LRRC37A3: variants seen among roughly 807,000 people sequenced by gnomAD.
LRRC37A3 encodes the protein leucine rich repeat containing 37 member A3.
In LRRC37A3, 25 loss-of-function variants were observed where a neutral mutation model predicts 106.2. That is an observed-to-expected ratio of 0.24 (90% CI 0.17 to 0.33). The LOEUF (loss-of-function observed/expected upper bound fraction) is 0.33, where lower values mean the gene tolerates loss of function less well. Ranked by LOEUF, LRRC37A3 falls within the 10% of genes least tolerant of loss-of-function variation. The probability of loss-of-function intolerance (pLI) is 1.00; values close to 1 mark genes in which losing one functional copy is unlikely to be tolerated. For missense variants in LRRC37A3, 712 were observed against 1,644.9 expected (o/e 0.43, Z 9.81); for synonymous variants, 305 against 635.8 (o/e 0.48, Z 7.83).
intron 8 of LRRC37A3, among the ~76,000 whole-genome samples, chr17:64,884,443 G>A (rs1417990031): frequency 6.6e-6 from 1 of 151,426 alleles, no homozygotes; most frequent in East Asian, 1.9e-4. Flanking sequence ...TCGGCTCACT[G>A]CAACCTCCGT....
intron 2 of LRRC37A3, among the ~76,000 whole-genome samples, chr17:64,906,822 C>T: frequency 7.6e-6 from 1 of 132,000 alleles, no homozygotes; most frequent in African/African-American, 3.0e-5. Flanking sequence ...AGCTCCGCCT[C>T]CCGGGTTCAC....
intron 8 of LRRC37A3, among the ~76,000 whole-genome samples, chr17:64,879,925 T>C (rs1973640236): frequency 6.6e-6 from 1 of 152,330 alleles, no homozygotes; most frequent in South Asian, 2.1e-4. Context: ...CCAAAAATAA[T>C]GACTGTAAGG....
chr17:64,854,705 C>G (rs1972615575), intron 14 of LRRC37A3, 61 bp from the exon 15 acceptor site: 1 of 1,612,130 alleles, frequency 6.2e-7, no homozygotes, highest in Non-Finnish European at 8.5e-7. Context: ...AAGCTTCTCA[C>G]CCCCTCCTCA....
chr17:64,873,988 T>C (rs1973412293), intron 8 of LRRC37A3, among the ~76,000 whole-genome samples: 1 of 152,096 alleles, frequency 6.6e-6, no homozygotes, highest in Non-Finnish European at 1.5e-5. Flanking sequence ...CATCTAAACA[T>C]ACTGTAATCA....
At chr17:64,881,194 G>T in intron 8 of LRRC37A3, 1 of 700,712 alleles carries the variant, frequency 1.4e-6, no homozygotes, top group Non-Finnish European at 2.6e-6. Flanking sequence ...GCTTTTTCAG[G>T]GGCAAAATCT....
chr17:64,866,653 C>A, intron 10 of LRRC37A3, among the ~76,000 whole-genome samples: 1 of 62,422 alleles, frequency 1.6e-5, no homozygotes, highest in Non-Finnish European at 3.0e-5. Context: ...TTTTTTTAGA[C>A]AGGGTCTTGC....
intron 14 of LRRC37A3, among the ~76,000 whole-genome samples, 171 bp from the exon 15 acceptor site, chr17:64,854,815 T>G (rs1194256627): frequency 2.0e-5 from 3 of 152,224 alleles, no homozygotes; most frequent in Non-Finnish European, 4.4e-5. Context: ...CATGTGTGAT[T>G]ATTTACTCTT....
chr17:64,861,766 TG>T (rs1972880132), intron 11 of LRRC37A3, among the ~76,000 whole-genome samples: 1 of 152,212 alleles, frequency 6.6e-6, no homozygotes. Context: ...AAGCAACTTT[TG>T]TCAGATGCTT....
chr17:64,860,406 A>C lies in LRRC37A3; in HGVS notation c.3740T>G (p.Val1247Gly), dbSNP rs1972827527. 1 of 1,613,854 alleles carries C rather than the reference A, an allele frequency of 6.2e-7. No homozygotes were observed. The highest frequency in any genetic ancestry group is 1.3e-5 in the African/African-American group (1 of 74,910). The change falls in exon 12 of 15, where the codon GTG (valine) becomes GGG (glycine). Residue 1247 changes from valine to glycine, a missense_variant. By Grantham distance (109) the Val-to-Gly change is moderately radical. Coordinates refer to ENST00000584306, the MANE Select transcript of LRRC37A3 (RefSeq NM_199340.5). ...FTQEHKAAVS[V>G]LKPFSKGAPS... is the part of the protein sequence containing the mutation. ...CGCGCCCTTGGAGAAGGGTTTCAGC[A>C]CAGAGACTGCTGCCTTATGCTCTTG...
At position 64,861,112 on chromosome 17, in the gene LRRC37A3, C is replaced by T. The variant is rs1567763586; in HGVS notation, c.3173-139G>A. 9 of 1,409,156 alleles carry T rather than the reference C, an allele frequency of 6.4e-6. No individual in the cohort carries two copies. In the South Asian group the frequency reaches 9.4e-5, roughly 15 times the overall value. The allele number at this position is 1,409,156 out of a possible 1,614,324, so 87.3% of individuals were successfully genotyped here. On this transcript the variant is annotated intron_variant, in intron 11 of 14. Transcript: ENST00000584306. ...CATTCAGAGAGGAGAAACACACACT[C>T]AATCCTAAACCTATGAAATGGCAAC... is the stretch of plus-strand genomic sequence containing the variant.
At position 64,854,500 on chromosome 17, in the gene LRRC37A3, G is replaced by A. The variant is rs1297948675; in HGVS notation, c.*99C>T. 4.4e-5 allele frequency: 69 copies of A among 1,559,130 alleles called. No individual in the cohort carries two copies. The highest frequency in any genetic ancestry group is 5.3e-6 in the Non-Finnish European group (6 of 1,131,642). On this transcript the variant is annotated 3_prime_UTR_variant, in exon 15 of 15. Coordinates refer to ENST00000584306, the MANE Select transcript of LRRC37A3 (RefSeq NM_199340.5). Reference sequence around the variant, plus strand: ...TGTGCTTGCTCTGCCCGCTGCCTCTGTGGATGTGTGGGCCGCTGGCTTCAG... The same window carrying A: ...TGTGCTTGCTCTGCCCGCTGCCTCTATGGATGTGTGGGCCGCTGGCTTCAG...
chr17:64,874,475 GTGGGGGCC>G, intron 8 of LRRC37A3, among the ~76,000 whole-genome samples: 1 of 150,116 alleles, frequency 6.7e-6, no homozygotes, highest in African/African-American at 2.5e-5. Context: ...CGGGAGGGAG[GTGGGGGCC>G]AGCCCCCGCC....
intron 13 of LRRC37A3, among the ~76,000 whole-genome samples, chr17:64,858,350 CT>C (rs1203760315): frequency 6.6e-6 from 1 of 152,196 alleles, no homozygotes; most frequent in Non-Finnish European, 1.5e-5. Context: ...CAAGACAATA[CT>C]TCTGTCTTTT....
At chr17:64,861,337 C>G (rs1483161212) in intron 11 of LRRC37A3, among the ~76,000 whole-genome samples, 2 of 152,218 alleles carry the variant, frequency 1.3e-5, no homozygotes, top group African/African-American at 4.8e-5. Flanking sequence ...GTACCCTGTG[C>G]TGTCCTGCCT....
At chr17:64,866,405 A>C (rs1402269822) in intron 10 of LRRC37A3, among the ~76,000 whole-genome samples, 1 of 150,850 alleles carries the variant, frequency 6.6e-6, no homozygotes, top group Non-Finnish European at 1.5e-5. Flanking sequence ...TTCCATGCTA[A>C]TCTTGCATAA....
At chr17:64,913,194 A>G (rs1286020988) in intron 2 of LRRC37A3, among the ~76,000 whole-genome samples, 2 of 151,646 alleles carry the variant, frequency 1.3e-5, no homozygotes, top group Non-Finnish European at 2.9e-5. Flanking sequence ...GTGCCTGGCT[A>G]ATTTTTGTAT....
chr17:64,872,695 G>A (rs1973363583), intron 8 of LRRC37A3, among the ~76,000 whole-genome samples: 1 of 152,208 alleles, frequency 6.6e-6, no homozygotes, highest in African/African-American at 2.4e-5. Context: ...GGAATAAGAT[G>A]TCCACAGGAA....
intron 8 of LRRC37A3, among the ~76,000 whole-genome samples, chr17:64,881,420 G>A (rs1188780710): frequency 7.3e-6 from 1 of 136,310 alleles, no homozygotes; most frequent in Non-Finnish European, 1.6e-5. Context: ...GTTAATTTTT[G>A]TATTTTTAGT....
intron 11 of LRRC37A3, 28 bp from the exon 12 acceptor site, chr17:64,861,001 T>A (rs1214215511): frequency 6.2e-7 from 1 of 1,613,306 alleles, no homozygotes; most frequent in Non-Finnish European, 8.5e-7. Context: ...ACTGCTTTGA[T>A]CATGAAAGAT....
Sources: allele counts gnomAD v4.1 joint callset (sites outside exome capture counted in the v4.1 genomes callset), GRCh38; gene constraint gnomAD v4.1.1; transcripts MANE v1.5; gene names NCBI Gene and HGNC (gene_info 2026-07-23, HGNC 2026-07-21).